The following F12 variants were observed in gnomAD, a reference collection of about 807,000 sequenced individuals.
F12 encodes the protein Hageman factor.
A neutral mutation model predicts 74.8 loss-of-function variants in F12; 70 were observed. That is an observed-to-expected ratio of 0.94 (90% CI 0.77 to 1.14). The LOEUF (loss-of-function observed/expected upper bound fraction) is 1.14. F12 is among the 50% of genes most tolerant of loss of function. The pLI, the probability that F12 is intolerant of heterozygous loss-of-function variation, is 0.00. For missense variants in F12, 811 were observed against 835.7 expected (o/e 0.97, Z 0.36); for synonymous variants, 373 against 356.4 (o/e 1.05, Z -0.52).
chr5:177,404,684 C>T lies in F12; in HGVS notation c.635-20G>A, dbSNP rs1407319994. ...TGGTGTCTGAGGAGAAAGGGGGCTC[C>T]CTGGGCAGCCAAGGCTGGGCTCTCC... On this transcript the variant is annotated intron_variant, in intron 7 of 13. Coordinates refer to ENST00000253496, the MANE Select transcript of F12 (RefSeq NM_000505.4). The T allele has an allele frequency of 1.9e-6, 3 of 1,606,786 alleles. No homozygotes were observed. The African/African-American group carries it at 4.0e-5, about 21-fold the overall frequency.
At chr5:177,403,126 C>G in intron 12 of F12, 128 bp downstream of exon 12, 1 of 1,248,096 alleles carries the variant, frequency 8.0e-7, no homozygotes, top group Non-Finnish European at 1.1e-6. Flanking sequence ...CACATTCTCA[C>G]AACCCATCAG....
chr5:177,409,283 G>C lies in F12; in HGVS notation c.58-180C>G, dbSNP rs17876012. 0.022 allele frequency among the ~76,000 whole-genome samples: 3,405 copies of C among 152,110 alleles called. 128 individuals are homozygous for C. The highest frequency in any genetic ancestry group is 0.078 in the African/African-American group (3,231 of 41,450). On this transcript the variant is annotated intron_variant, in intron 1 of 13. Transcript: ENST00000253496. ...CCCATCTCCCCCAGAAATGCAGGCT[G>C]TGCCCTTGTATCCACCCAGTCTGGT... is the stretch of plus-strand genomic sequence containing the variant.
intron 10 of F12, 31 bp from the exon 11 acceptor site, chr5:177,403,648 C>T (rs771729874): frequency 1.3e-6 from 2 of 1,595,126 alleles, no homozygotes; most frequent in Non-Finnish European, 1.7e-6. Context: ...AGGCAGCGCT[C>T]TCAGACCTGG....
chr5:177,405,684 A>G, intron 4 of F12, 51 bp downstream of exon 4: 1 of 1,559,408 alleles, frequency 6.4e-7, no homozygotes, highest in Non-Finnish European at 8.8e-7. Flanking sequence ...CAGGAGAGTA[A>G]TGAGGCGGGA....
chr5:177,402,418 T>A lies in F12; in HGVS notation c.1722A>T (p.Ala574=). 1 of 1,612,372 alleles carries A rather than the reference T, an allele frequency of 6.2e-7. No homozygotes were observed. Among genetic ancestry groups the A allele is most frequent in the Non-Finnish European group, 8.5e-7 (1 of 1,179,450 alleles). The part of the protein sequence containing the change: ...GGPLVCEDQA[A]ERRLTLQGII... ...TGCCTTGCAGGGTGAGCCGGCGCTC[T>A]GCAGCTTGGTCCTCACACACCAGCG... Residue 574 remains alanine (A), a synonymous_variant, in exon 14 of 14, where the codon GCA becomes GCT. Transcript: ENST00000253496.
chr5:177,402,370 A>G lies in F12; in HGVS notation c.1770T>C (p.Cys590=). ...AGACGCCTGGCTTGTTGCGGTCACC[A>G]CAGCCCGATCCCCAGCTGATGATGC... The part of the protein sequence containing the change: ...LQGIISWGSG[C]GDRNKPGVYT... The change falls in exon 14 of 14, where the codon TGT becomes TGC. Residue 590 remains cysteine (C), a synonymous_variant. Coordinates refer to ENST00000253496, the MANE Select transcript of F12 (RefSeq NM_000505.4). 1.2e-6 allele frequency: 2 copies of G among 1,613,764 alleles called. No individual in the cohort carries two copies. Among genetic ancestry groups the G allele is most frequent in the Non-Finnish European group, 1.7e-6 (2 of 1,180,008 alleles).
chr5:177,402,747 G>C (rs1157619094), intron 12 of F12, 49 bp from the exon 13 acceptor site: 8 of 1,601,746 alleles, frequency 5.0e-6, no homozygotes, highest in Non-Finnish European at 6.8e-6. Flanking sequence ...AACGCTTGCC[G>C]CCCGGACGAT....
chr5:177,404,437 G>C (rs906101724), intron 8 of F12, 24 bp from the exon 9 acceptor site: 2 of 1,606,600 alleles, frequency 1.2e-6, no homozygotes, highest in East Asian at 4.5e-5. Context: ...ACGGGGCGCC[G>C]TTAGAGCGCC....
In F12 at chr5:177,404,908, C is replaced by T. The variant is rs1477816023; in HGVS notation, c.536G>A (p.Arg179His). The change falls in exon 7 of 14, where the codon CGC becomes CAC. Residue 179 changes from arginine to histidine, a missense_variant. By Grantham distance (29) the Arg-to-His change is conservative. Coordinates refer to ENST00000253496, the MANE Select transcript of F12 (RefSeq NM_000505.4). ...HCQRLASQAC[R>H]TNPCLHGGRC... The stretch of plus-strand genomic sequence containing the variant: ...ACCCCCATGGAGGCACGGGTTGGTG[C>T]GGCAGGCTTGGGGAGGGAACGCAGT... 1 of 1,603,198 alleles carries T rather than the reference C, an allele frequency of 6.2e-7. No individual in the cohort carries two copies. The highest frequency in any genetic ancestry group is 8.5e-7 in the Non-Finnish European group (1 of 1,177,090).
chr5:177,403,837 C>A (rs1240997694), intron 10 of F12, 22 bp downstream of exon 10: 1 of 1,502,294 alleles, frequency 6.7e-7, no homozygotes, highest in African/African-American at 1.4e-5. Flanking sequence ...CCTGGGGCGG[C>A]TCTGGGCGGG....
chr5:177,403,977 C>A lies in F12; in HGVS notation c.1132G>T (p.Val378Leu). The A allele has an allele frequency of 1.9e-6, 3 of 1,602,938 alleles. No individual in the cohort carries two copies. The highest frequency in any genetic ancestry group is 2.5e-6 in the Non-Finnish European group (3 of 1,179,466). The stretch of plus-strand genomic sequence containing the variant: ...TAGGGGTGCGCCCCGCGTAGCGCCA[C>A]CAGCCCGCCAACGACGCGGGTCATC... ...SSMTRVVGGL[V>L]ALRGAHPYIA... is the part of the protein sequence containing the mutation. The change falls in exon 10 of 14, where the codon GTG becomes TTG. Residue 378 changes from valine to leucine, a missense_variant. By Grantham distance (32) the Val-to-Leu change is conservative. Transcript: ENST00000253496.
At position 177,403,299 on chromosome 5, in the gene F12, CG is replaced by C; in HGVS notation, c.1485del (p.Glu496ArgfsTer168). On this transcript the variant is annotated frameshift_variant, in exon 12 of 14. Transcript: ENST00000253496. LOFTEE classifies it high-confidence loss of function. ...VCLPSGAARP[S>X]ETTLCQVAGW... The stretch of plus-strand genomic sequence containing the variant: ...CCGGCCACCTGGCAGAGCGTGGTCT[CG>C]GAGGGTCGCGCGGCGCCGCTTGGCA... 1 of 1,599,882 alleles carries C rather than the reference CG, an allele frequency of 6.3e-7. No homozygotes were observed. The highest frequency in any genetic ancestry group is 8.5e-7 in the Non-Finnish European group (1 of 1,179,832).
chr5:177,409,428 C>T, intron 1 of F12, 43 bp downstream of exon 1: 1 of 1,609,310 alleles, frequency 6.2e-7, no homozygotes, highest in African/African-American at 1.3e-5. Flanking sequence ...ATAGCGACCC[C>T]CCAGAACAAT....
At chr5:177,407,100 G>A (rs1763311743) in intron 2 of F12, among the ~76,000 whole-genome samples, 1 of 152,200 alleles carries the variant, frequency 6.6e-6, no homozygotes, top group Non-Finnish European at 1.5e-5. Flanking sequence ...GTGCTATAGT[G>A]CCATCAGCTT....
At chr5:177,406,124 C>T in intron 2 of F12, 63 bp from the exon 3 acceptor site, 1 of 1,437,468 alleles carries the variant, frequency 7.0e-7, no homozygotes, top group Non-Finnish European at 9.8e-7. Flanking sequence ...CACTGTCCCT[C>T]AGGGTCTGGT....
chr5:177,406,966 C>CT (rs912969982), intron 2 of F12, among the ~76,000 whole-genome samples: 1 of 152,128 alleles, frequency 6.6e-6, no homozygotes, highest in Non-Finnish European at 1.5e-5. Flanking sequence ...ACACTTTGTG[C>CT]TTTTGCTGGG....
At chr5:177,404,987 C>T in intron 6 of F12, 67 bp downstream of exon 6, 2 of 1,592,338 alleles carry the variant, frequency 1.3e-6, no homozygotes, top group South Asian at 1.1e-5. Context: ...CCTGGCACAC[C>T]ACCCGGCCTC....
At position 177,403,406 on chromosome 5, in the gene F12, G is replaced by C. The variant is rs1763192102; in HGVS notation, c.1388-9C>G. 1 of 1,591,162 alleles carries C rather than the reference G, an allele frequency of 6.3e-7. No homozygotes were observed. The highest frequency in any genetic ancestry group is 2.3e-5 in the East Asian group (1 of 44,376). On this transcript the variant is annotated splice_polypyrimidine_tract_variant and intron_variant, in intron 11 of 13. Coordinates refer to ENST00000253496, the MANE Select transcript of F12 (RefSeq NM_000505.4). ...CTGAAGGCGCAACAGAGCTAACCCG[G>C]GCGGAGAGGAGCGTGAGGCGGGGAC... is the stretch of plus-strand genomic sequence containing the variant.
chr5:177,402,575 A>C lies in F12; in HGVS notation c.1655T>G (p.Leu552Arg). Residue 552 changes from leucine to arginine, a missense_variant, in exon 13 of 14, where the codon CTC becomes CGC. By Grantham distance (102) the Leu-to-Arg change is moderately radical (BLOSUM62 -2). Coordinates refer to ENST00000253496, the MANE Select transcript of F12 (RefSeq NM_000505.4). ...CTGGCACGCATCGGTGCCGCCCTCG[A>C]GGAACCCTGCGCAGAGCATGCCGGG... The part of the protein sequence containing the change: ...ILPGMLCAGF[L>R]EGGTDACQGD... The C allele has an allele frequency of 6.2e-7, 1 of 1,612,764 alleles. No homozygotes were observed. Among genetic ancestry groups the C allele is most frequent in the South Asian group, 1.1e-5 (1 of 90,988 alleles).
Sources: gnomAD v4.1 joint callset for allele counts (sites outside exome capture counted in the v4.1 genomes callset) on GRCh38, gnomAD v4.1.1 for gene constraint, MANE v1.5 for transcripts, NCBI Gene and HGNC (gene_info 2026-07-23, HGNC 2026-07-21) for gene names.